The following JADE2 variants were observed in gnomAD, a reference collection of about 807,000 sequenced individuals.
JADE2 encodes the protein E3 ubiquitin-protein ligase Jade-2.
A neutral mutation model predicts 85.7 loss-of-function variants in JADE2; 13 were observed. That is an observed-to-expected ratio of 0.15 (90% confidence interval 0.10 to 0.24). The LOEUF (loss-of-function observed/expected upper bound fraction) is 0.24, where lower values mean the gene tolerates loss of function less well. Ranked by LOEUF, JADE2 falls within the 10% of genes least tolerant of loss-of-function variation. The pLI is 1.00. For synonymous variants in JADE2, 440 were observed against 456.1 expected (o/e 0.96, Z 0.45); for missense variants, 846 against 1,115.9 (o/e 0.76, Z 3.45).
rs1181977167 is a variant in JADE2 at position 134,560,997 on chromosome 5, T to TAC, written c.684+45_684+46dup. The TAC allele has an allele frequency of 1.3e-5, 20 of 1,562,128 alleles. No individual in the cohort carries two copies. In the Admixed American group the frequency reaches 2.5e-4, roughly 20 times the overall value. On this transcript the variant is annotated intron_variant, in intron 6 of 11. Transcript: ENST00000681547. ...CAGTCACCCTCACCTGTGCCATGTATACACACGCTGCCTGGCAGCGACCCC... is the reference window on the plus strand; with the variant it reads ...CAGTCACCCTCACCTGTGCCATGTATACACACACGCTGCCTGGCAGCGACCCC...
chr5:134,576,981 G>C, intron 11 of JADE2, 85 bp downstream of exon 11: 1 of 1,443,724 alleles, frequency 6.9e-7, no homozygotes, highest in East Asian at 2.5e-5. Flanking sequence ...CGGAAGGCCA[G>C]CTGCACAGAG....
At chr5:134,539,115 G>A (rs1432589498) in intron 3 of JADE2, among the ~76,000 whole-genome samples, 4 of 148,780 alleles carry the variant, frequency 2.7e-5, no homozygotes, top group South Asian at 2.1e-4. Context: ...AGGCTGGAGT[G>A]CAGTGGCGTG....
chr5:134,547,878 C>T (rs1173874535), intron 3 of JADE2, among the ~76,000 whole-genome samples: 3 of 152,198 alleles, frequency 2.0e-5, no homozygotes, highest in African/African-American at 7.2e-5. Context: ...GTGGGGAAGA[C>T]ATGGCAAAAA....
At chr5:134,573,540 G>A in intron 9 of JADE2, 105 bp from the exon 10 acceptor site, 1 of 790,338 alleles carries the variant, frequency 1.3e-6, no homozygotes, top group East Asian at 2.4e-5. Context: ...TGTGGCGGTA[G>A]CCTGTGCCCC....
rs182261594 is a variant in JADE2 at position 134,557,171 on chromosome 5, C to T, written c.312-2659C>T. On this transcript the variant is annotated intron_variant, in intron 4 of 11. Coordinates refer to ENST00000681547, the MANE Select transcript of JADE2 (RefSeq NM_001388185.1). ...TTAATCCATTTAATCCTCTCACCAA[C>T]CACATAAAGTAGGTATTATTATTGT... is the stretch of plus-strand genomic sequence containing the variant. Among the ~76,000 whole-genome samples, 357 of 152,142 alleles carry T rather than the reference C, an allele frequency of 2.3e-3. 2 individuals are homozygous for T. The highest frequency in any genetic ancestry group is 8.1e-3 in the African/African-American group (336 of 41,502).
Position 134,583,002 on chromosome 5 carries a change from G to T in JADE2, c.*3685G>T, listed in dbSNP as rs186391652. ...TCCTTTTTGTACATTGTCCATGTGC[G>T]CAACCCTTAACGAGCAATAGAATGT... On this transcript the variant is annotated 3_prime_UTR_variant, in exon 12 of 12. Coordinates refer to ENST00000681547, the MANE Select transcript of JADE2 (RefSeq NM_001388185.1). 2 of 152,560 alleles carry T rather than the reference G, an allele frequency of 1.3e-5. No individual in the cohort carries two copies. The highest frequency in any genetic ancestry group is 2.9e-5 in the Non-Finnish European group (2 of 68,034). 9.5% of individuals were successfully genotyped at this position (152,560 alleles called of 1,614,324 possible). A position where few individuals can be genotyped will look rare whatever the true frequency, so the allele number is the denominator to read the frequency against.
chr5:134,554,288 G>A (rs1762781088), intron 4 of JADE2, among the ~76,000 whole-genome samples: 1 of 152,052 alleles, frequency 6.6e-6, no homozygotes, highest in South Asian at 2.1e-4. Context: ...TGGGGTCTTC[G>A]GAGAATCAGG....
intron 1 of JADE2, chr5:134,526,304 C>T (rs928571597): frequency 1.0e-6 from 1 of 985,300 alleles, no homozygotes; most frequent in East Asian, 1.1e-4. Context: ...TGGCGACCTT[C>T]TTTATTAATG....
At chr5:134,556,208 G>A (rs536374644) in intron 4 of JADE2, among the ~76,000 whole-genome samples, 222 of 152,286 alleles carry the variant, frequency 1.5e-3, no homozygotes, top group East Asian at 3.7e-3. Flanking sequence ...GGGCCTCCCC[G>A]CCCTGGCAGA....
intron 3 of JADE2, 139 bp from the exon 4 acceptor site, chr5:134,551,913 T>C (rs1172032299): frequency 2.5e-6 from 2 of 787,322 alleles, no homozygotes; most frequent in Admixed American, 2.2e-5. Flanking sequence ...TTGTGCTGAT[T>C]GCTTTTATTT....
At chr5:134,532,102 C>G (rs937400398) in intron 1 of JADE2, among the ~76,000 whole-genome samples, 10 of 152,068 alleles carry the variant, frequency 6.6e-5, no homozygotes, top group East Asian at 1.9e-4. Context: ...CCAGACTGAT[C>G]TTGAACTCCT....
At chr5:134,533,146 C>G (rs1761356973) in intron 1 of JADE2, among the ~76,000 whole-genome samples, 1 of 152,150 alleles carries the variant, frequency 6.6e-6, no homozygotes, top group Non-Finnish European at 1.5e-5. Flanking sequence ...ACCTTCCTTA[C>G]TGTATAGGGT....
intron 1 of JADE2, among the ~76,000 whole-genome samples, chr5:134,531,768 A>G (rs1007811573): frequency 6.6e-6 from 1 of 150,546 alleles, no homozygotes; most frequent in Admixed American, 6.6e-5. Flanking sequence ...TTTTTAGTAG[A>G]GACGGGGTTT....
intron 4 of JADE2, among the ~76,000 whole-genome samples, chr5:134,555,523 G>T (rs549813391): frequency 5.9e-5 from 9 of 152,348 alleles, no homozygotes; most frequent in Non-Finnish European, 1.2e-4. Flanking sequence ...ACCCAGGAAG[G>T]ACAGCAGATA....
chr5:134,559,184 G>A (rs1026978147), intron 4 of JADE2, among the ~76,000 whole-genome samples: 2 of 152,160 alleles, frequency 1.3e-5, no homozygotes, highest in African/African-American at 2.4e-5. Flanking sequence ...TCTGGAAAGG[G>A]TCACCCTGGG....
At chr5:134,525,619 C>CCA, upstream of JADE2, 1 of 536,658 alleles carries the variant, frequency 1.9e-6, no homozygotes, top group Non-Finnish European at 2.8e-6. Context: ...CACCCCAACA[C>CCA]ATTTTTTTTT....
rs1445867875 is a variant in JADE2, at chr5:134,526,373, G to A, written c.-1+362G>A. ...GCGCGGGCGGGCGGGGGCGCGCCAG[G>A]GCTGCAACTTCCCCGCGGGCTCCGG... On this transcript the variant is annotated intron_variant, in intron 1 of 11. Transcript: ENST00000681547. 7 of 984,800 alleles carry A rather than the reference G, an allele frequency of 7.1e-6. No homozygotes were observed. The Admixed American group carries it at 4.3e-4, about 61-fold the overall frequency. The allele number at this position is 984,800 out of a possible 1,614,324, so 61.0% of individuals were successfully genotyped here. A position where few individuals can be genotyped will look rare whatever the true frequency, so the allele number is the denominator to read the frequency against.
chr5:134,542,658 T>C (rs1161377738), intron 3 of JADE2, among the ~76,000 whole-genome samples: 1 of 152,016 alleles, frequency 6.6e-6, no homozygotes, highest in Non-Finnish European at 1.5e-5. Context: ...GTCAGGGTGG[T>C]CTCGAACTCC....
rs368571828 is a variant in JADE2 at position 134,526,505 on chromosome 5, TCA to T, written c.-1+495_-1+496del. The T allele has an allele frequency of 7.2e-5, 71 of 985,270 alleles. No individual in the cohort carries two copies. The East Asian group carries it at 7.5e-3, about 104-fold the overall frequency. The allele number at this position is 985,270 out of a possible 1,614,324, so 61.0% of individuals were successfully genotyped here. A position where few individuals can be genotyped will look rare whatever the true frequency, so the allele number is the denominator to read the frequency against. On this transcript the variant is annotated intron_variant, in intron 1 of 11. Transcript: ENST00000681547. ...ATCTGCCCTCCTGTCTCCCCGAGTT[TCA>T]TTTTGTTGATACGCAGCACGTCCGG...
Sources: gnomAD v4.1 joint callset for allele counts (sites outside exome capture counted in the v4.1 genomes callset) on GRCh38, gnomAD v4.1.1 for gene constraint, MANE v1.5 for transcripts, NCBI Gene and HGNC (gene_info 2026-07-23, HGNC 2026-07-21) for gene names.